Variants in TBCCD1 observed in about 807,000 individuals in gnomAD.
TBCCD1 encodes the protein TBCC domain-containing protein 1.
Under a neutral mutation model 53.4 loss-of-function variants are expected in TBCCD1, and 26 were observed. The observed-to-expected ratio is 0.49, with a 90% confidence interval of 0.36 to 0.68. TBCCD1 has a LOEUF of 0.68. TBCCD1 is among the 30% of genes least tolerant of loss of function. The probability of loss-of-function intolerance (pLI) is 0.00; values close to 1 mark genes in which losing one functional copy is unlikely to be tolerated. For synonymous variants in TBCCD1, 245 were observed against 241.7 expected, an observed-to-expected ratio of 1.01 and a Z score of -0.13; for missense variants, 558 against 669.5, an observed-to-expected ratio of 0.83 and a Z score of 1.84.
At position 186,554,483 on chromosome 3, in the gene TBCCD1, G is replaced by A. The variant is rs1411062641; in HGVS notation, c.1315C>T (p.Pro439Ser). The A allele has an allele frequency of 6.2e-7, 1 of 1,614,104 alleles. No individual in the cohort carries two copies. The highest frequency in any genetic ancestry group is 2.2e-5 in the East Asian group (1 of 44,902). ...HMARTGLATVPNYWDNPMVVC... is the reference protein window; with the variant it reads ...HMARTGLATVSNYWDNPMVVC... ...ACCATTGGATTATCCCAATAGTTAGGCACTGTAGCAAGGCCAGTCCTGGCC... is the reference window on the plus strand; with the variant it reads ...ACCATTGGATTATCCCAATAGTTAGACACTGTAGCAAGGCCAGTCCTGGCC... Residue 439 changes from proline (P) to serine (S), a missense_variant, in exon 6 of 8, where the codon CCT becomes TCT. By Grantham distance (74) the Pro-to-Ser change is moderately conservative. Coordinates refer to ENST00000338733, the MANE Select transcript of TBCCD1 (RefSeq NM_018138.5).
In TBCCD1 at chr3:186,564,435, G is replaced by A. The variant is rs921979451; in HGVS notation, c.-43-63C>T. 2.7e-6 allele frequency: 3 copies of A among 1,116,710 alleles called. No homozygotes were observed. In the Admixed American group the frequency reaches 8.3e-5, roughly 31 times the overall value. The allele number at this position is 1,116,710 out of a possible 1,614,324, so 69.2% of individuals were successfully genotyped here. ...AAGTCTCATTTATGCATTTTTTCTT[G>A]GAAGGTGACCCCTCTCTCTCAACTG... On this transcript the variant is annotated intron_variant, in intron 1 of 7. Coordinates refer to ENST00000338733, the MANE Select transcript of TBCCD1 (RefSeq NM_018138.5).
upstream of TBCCD1, chr3:186,570,023 G>A: frequency 3.3e-6 from 2 of 602,100 alleles, no homozygotes; most frequent in Admixed American, 2.6e-5. Flanking sequence ...AAAATTCACA[G>A]AACTGCCAAT....
chr3:186,568,497 T>C (rs1425511203), upstream of TBCCD1, among the ~76,000 whole-genome samples: 1 of 152,152 alleles, frequency 6.6e-6, no homozygotes, highest in Admixed American at 6.6e-5. Flanking sequence ...ACCTACTCCA[T>C]GCCAGGCACT....
chr3:186,568,058 G>A (rs1212054657), upstream of TBCCD1, among the ~76,000 whole-genome samples: 1 of 152,110 alleles, frequency 6.6e-6, no homozygotes, highest in Non-Finnish European at 1.5e-5. Flanking sequence ...AAATTAGACC[G>A]TAAAATGCAA....
intron 7 of TBCCD1, among the ~76,000 whole-genome samples, chr3:186,548,026 T>G (rs2108451707): frequency 6.6e-6 from 1 of 152,310 alleles, no homozygotes; most frequent in Admixed American, 6.5e-5. Flanking sequence ...TAGGTATATA[T>G]CCATGAGAAA....
intron 6 of TBCCD1, 36 bp downstream of exon 6, chr3:186,554,218 A>T: frequency 6.2e-7 from 1 of 1,600,796 alleles, no homozygotes; most frequent in Non-Finnish European, 8.5e-7. Context: ...GGAGTTTCAC[A>T]AAAAACACAA....
intron 2 of TBCCD1, among the ~76,000 whole-genome samples, chr3:186,561,708 G>C (rs562439676): frequency 6.6e-6 from 1 of 152,274 alleles, no homozygotes; most frequent in South Asian, 2.1e-4. Context: ...AGAATGGTGT[G>C]AACCTGGGAG....
At chr3:186,561,788 C>CAA (rs140239945) in intron 2 of TBCCD1, among the ~76,000 whole-genome samples, 4 of 136,440 alleles carry the variant, frequency 2.9e-5, no homozygotes, top group Admixed American at 7.6e-5. Context: ...GACTCCGTCT[C>CAA]AAAAAAAAAA....
chr3:186,558,494 T>C lies in TBCCD1; in HGVS notation c.415A>G (p.Ile139Val), dbSNP rs372960407. Reference sequence around the variant, plus strand: ...CTGGGACTGGGCCACTCTTCGCCAATCAAAGATGTCCTTAGGGAGACCTTG... The same window carrying C: ...CTGGGACTGGGCCACTCTTCGCCAACCAAAGATGTCCTTAGGGAGACCTTG... ...LNKVSLRTSLIGEEWPSPRNK... is the reference protein window; with the variant it reads ...LNKVSLRTSLVGEEWPSPRNK... Residue 139 changes from isoleucine to valine, a missense_variant, in exon 3 of 8, where the codon ATT (isoleucine) becomes GTT (valine). Physicochemically the swap from Ile to Val is conservative, Grantham distance 29. Transcript: ENST00000338733. 2.7e-5 allele frequency: 44 copies of C among 1,614,066 alleles called. No individual in the cohort carries two copies. Among genetic ancestry groups the C allele is most frequent in the Non-Finnish European group, 3.6e-5 (42 of 1,180,028 alleles).
intron 7 of TBCCD1, among the ~76,000 whole-genome samples, chr3:186,547,768 G>A (rs1272608283): frequency 1.3e-5 from 2 of 151,560 alleles, no homozygotes; most frequent in African/African-American, 2.4e-5. Flanking sequence ...CACCACGCCC[G>A]GCTAATTTTT....
Position 186,564,262 on chromosome 3 carries a change from G to T in TBCCD1, c.68C>A (p.Pro23His), listed in dbSNP as rs571709585. Residue 23 changes from proline to histidine, a missense_variant, in exon 2 of 8, where the codon CCC (proline) becomes CAC (histidine). Physicochemically the swap from Pro to His is moderately conservative, Grantham distance 77. Transcript: ENST00000338733. ...GTGAAGACTAAACTTGGATGGAGGG[G>T]GGACCTGCAAGGCACCCACTATAAA... ...EPFIVGALQV[P>H]PPSKFSLHYL... 71 of 1,614,180 alleles carry T rather than the reference G, an allele frequency of 4.4e-5. No homozygotes were observed. The South Asian group carries it at 7.6e-4, about 17-fold the overall frequency.
upstream of TBCCD1, chr3:186,567,567 C>T (rs1714879121): frequency 6.6e-6 from 1 of 152,282 alleles, no homozygotes; most frequent in South Asian, 2.1e-4. Context: ...TCTGTTGCTC[C>T]GCATAACTGT....
intron 7 of TBCCD1, among the ~76,000 whole-genome samples, chr3:186,548,108 T>TAGAC (rs1397780160): frequency 5.3e-5 from 8 of 152,118 alleles, no homozygotes; most frequent in Non-Finnish European, 5.9e-5. Context: ...AGCTGAAAAG[T>TAGAC]AGACACAAGC....
chr3:186,565,109 CTTTTTT>C (rs370017010), intron 1 of TBCCD1, among the ~76,000 whole-genome samples: 5 of 124,762 alleles, frequency 4.0e-5, no homozygotes, highest in African/African-American at 9.3e-5. Flanking sequence ...TCTTCTTCTT[CTTTTTT>C]TTTTTTTTTT....
Position 186,554,436 on chromosome 3 carries a change from G to C in TBCCD1, c.1362C>G (p.Asp454Glu). The change falls in exon 6 of 8, where the codon GAC becomes GAG. Residue 454 changes from aspartate (D) to glutamate (E), a missense_variant. Physicochemically the swap from Asp to Glu is conservative, Grantham distance 45. Coordinates refer to ENST00000338733, the MANE Select transcript of TBCCD1 (RefSeq NM_018138.5). ...NPMVVCRENS[D>E]TRVFQLLPPC... The stretch of plus-strand genomic sequence containing the variant: ...GTGGTAAAAGCTGGAAGACTCTTGT[G>C]TCGCTGTTCTCTCTGCACACAACCA... The C allele has an allele frequency of 6.2e-7, 1 of 1,614,240 alleles. No homozygotes were observed.
chr3:186,549,902 G>A (rs760719593), intron 7 of TBCCD1, among the ~76,000 whole-genome samples: 7 of 151,886 alleles, frequency 4.6e-5, no homozygotes, highest in Admixed American at 2.6e-4. Flanking sequence ...ATCTATTATT[G>A]TCCTTTGTCT....
intron 6 of TBCCD1, 44 bp downstream of exon 6, chr3:186,554,210 A>G (rs1714456389): frequency 6.3e-7 from 1 of 1,599,090 alleles, no homozygotes; most frequent in Admixed American, 1.8e-5. Flanking sequence ...TTCTCCATGG[A>G]GTTTCACAAA....
At chr3:186,550,307 G>A (rs1714334987) in intron 7 of TBCCD1, among the ~76,000 whole-genome samples, 1 of 151,646 alleles carries the variant, frequency 6.6e-6, no homozygotes, top group Non-Finnish European at 1.5e-5. Flanking sequence ...GTTTGGGGCT[G>A]GGCGCAGTGG....
intron 2 of TBCCD1, among the ~76,000 whole-genome samples, chr3:186,559,771 C>A (rs1044354542): frequency 2.6e-5 from 4 of 152,154 alleles, no homozygotes; most frequent in African/African-American, 9.7e-5. Flanking sequence ...TGTGAGAATT[C>A]ACACAGAAAG....
Sources: gnomAD v4.1 joint callset for allele counts (sites outside exome capture counted in the v4.1 genomes callset) on GRCh38, gnomAD v4.1.1 for gene constraint, MANE v1.5 for transcripts, NCBI Gene and HGNC (gene_info 2026-07-23, HGNC 2026-07-21) for gene names.